Variants in RSF1 observed in about 807,000 individuals in gnomAD.
RSF1 encodes the protein remodeling and spacing factor 1.
A neutral mutation model predicts 145.2 loss-of-function variants in RSF1; 13 were observed. That is an observed-to-expected ratio of 0.09 (90% CI 0.06 to 0.14). The LOEUF (loss-of-function observed/expected upper bound fraction) is 0.14. RSF1 is among the 10% of genes least tolerant of loss of function. RSF1 has a pLI of 1.00. For synonymous variants in RSF1, 577 were observed against 592.6 expected (o/e 0.97, Z 0.38); for missense variants, 1,517 against 1,718.2 (o/e 0.88, Z 2.07).
At chr11:77,828,252 G>A in the RSF1 span, among the ~76,000 whole-genome samples, 1 of 151,362 alleles carries the variant, frequency 6.6e-6, no homozygotes, top group Admixed American at 6.6e-5. Context: ...TCCAGCCTGG[G>A]TGACAGAGCG....
the RSF1 span, among the ~76,000 whole-genome samples, chr11:77,857,077 A>T: frequency 6.6e-6 from 1 of 152,238 alleles, no homozygotes; most frequent in Non-Finnish European, 1.5e-5. Context: ...ATCACCCAAC[A>T]TTAAAAGATA....
chr11:77,787,833 T>TAAAAAAAAAAAAAAAAAAA (rs57568918), intron 1 of RSF1, among the ~76,000 whole-genome samples: 1 of 129,490 alleles, frequency 7.7e-6, no homozygotes, highest in South Asian at 2.4e-4. Flanking sequence ...TTCAGAACAG[T>TAAAAAAAAAAAAAAAAAAA]AAAAAAAAAA....
chr11:77,686,776 A>T (rs1253922028), intron 9 of RSF1, among the ~76,000 whole-genome samples: 1 of 152,152 alleles, frequency 6.6e-6, no homozygotes, highest in East Asian at 1.9e-4. Context: ...GCCACTAAAT[A>T]CTCACTGAAA....
chr11:77,685,270 G>T, intron 9 of RSF1, 111 bp from the exon 10 acceptor site: 1 of 536,158 alleles, frequency 1.9e-6, no homozygotes, highest in Non-Finnish European at 3.2e-6. Context: ...TAACAGCAGA[G>T]GGTAAGTCAC....
chr11:77,767,059 A>G (rs954694651), intron 1 of RSF1, among the ~76,000 whole-genome samples: 6 of 152,316 alleles, frequency 3.9e-5, no homozygotes, highest in Admixed American at 3.9e-4. Context: ...CCACCTATAT[A>G]AGGGGACAAT....
intron 1 of RSF1, among the ~76,000 whole-genome samples, chr11:77,770,450 G>A (rs144325183): frequency 1.5e-3 from 225 of 152,282 alleles, no homozygotes; most frequent in African/African-American, 2.5e-3. Flanking sequence ...GTGAGACTCC[G>A]TCTCAAAAAA....
At chr11:77,828,671 A>G in the RSF1 span, among the ~76,000 whole-genome samples, 23 of 137,550 alleles carry the variant, frequency 1.7e-4, no homozygotes, top group African/African-American at 2.6e-4. Context: ...CTCCATCTCG[A>G]AAAAAAAAAA....
At chr11:77,691,035 G>A in intron 9 of RSF1, 124 bp downstream of exon 9, 1 of 782,024 alleles carries the variant, frequency 1.3e-6, no homozygotes, top group East Asian at 2.6e-5. Flanking sequence ...CAAAAAGGAG[G>A]CTGGATTTGG....
At chr11:77,689,300 A>G (rs925291337) in intron 9 of RSF1, among the ~76,000 whole-genome samples, 1 of 152,158 alleles carries the variant, frequency 6.6e-6, no homozygotes, top group South Asian at 2.1e-4. Context: ...ATATACTTAC[A>G]TATGTCTCCT....
chr11:77,690,968 T>C (rs540491064), intron 9 of RSF1, 191 bp downstream of exon 9: 6 of 534,978 alleles, frequency 1.1e-5, no homozygotes, highest in South Asian at 3.0e-5. Context: ...TTCTAGTTTT[T>C]CCCCCCAATC....
At chr11:77,737,520 A>C (rs1961386502) in intron 4 of RSF1, among the ~76,000 whole-genome samples, 1 of 151,512 alleles carries the variant, frequency 6.6e-6, no homozygotes, top group South Asian at 2.1e-4. Context: ...TGCAGGCATT[A>C]ATCTACACAA....
the RSF1 span, among the ~76,000 whole-genome samples, chr11:77,861,475 C>T: frequency 6.6e-6 from 1 of 152,146 alleles, no homozygotes; most frequent in South Asian, 2.1e-4. Context: ...GTCAAGTATA[C>T]CCGGGGCTCT....
At chr11:77,768,091 G>A (rs1948244471) in intron 1 of RSF1, among the ~76,000 whole-genome samples, 1 of 149,852 alleles carries the variant, frequency 6.7e-6, no homozygotes, top group Non-Finnish European at 1.5e-5. Flanking sequence ...GTAAAAAGAG[G>A]TTAAAATTAA....
intron 2 of RSF1, among the ~76,000 whole-genome samples, chr11:77,758,630 A>T (rs1948140067): frequency 6.6e-6 from 1 of 152,228 alleles, no homozygotes; most frequent in Admixed American, 6.5e-5. Context: ...TAAAAAAAAT[A>T]GCCATCCTGT....
chr11:77,865,557 T>C, the RSF1 span, among the ~76,000 whole-genome samples: 1 of 152,260 alleles, frequency 6.6e-6, no homozygotes, highest in Admixed American at 6.5e-5. Flanking sequence ...CACAGTCACA[T>C]GACCACATTT....
At chr11:77,824,554 C>T (rs1290936528), upstream of RSF1, among the ~76,000 whole-genome samples, 2 of 152,172 alleles carry the variant, frequency 1.3e-5, no homozygotes, top group African/African-American at 4.8e-5. Context: ...GAGTAATACA[C>T]ACTGTTGATA....
intron 1 of RSF1, among the ~76,000 whole-genome samples, chr11:77,804,369 G>A (rs1189175027): frequency 6.6e-6 from 1 of 152,210 alleles, no homozygotes; most frequent in Non-Finnish European, 1.5e-5. Context: ...TCGGGTAGAA[G>A]GGCAGGTAGC....
intron 9 of RSF1, among the ~76,000 whole-genome samples, chr11:77,687,461 C>A (rs1960040047): frequency 6.6e-6 from 1 of 151,936 alleles, no homozygotes; most frequent in African/African-American, 2.4e-5. Flanking sequence ...CAAGGTTACC[C>A]ACCTTGGGTA....
intron 8 of RSF1, among the ~76,000 whole-genome samples, chr11:77,692,205 T>TA (rs1450988008): frequency 7.1e-6 from 1 of 141,676 alleles, no homozygotes; most frequent in Non-Finnish European, 1.5e-5. Context: ...TTTCATCATT[T>TA]AAAAAAAATA....
Sources: gnomAD v4.1 joint callset for allele counts (sites outside exome capture counted in the v4.1 genomes callset) on GRCh38, gnomAD v4.1.1 for gene constraint, MANE v1.5 for transcripts, NCBI Gene and HGNC (gene_info 2026-07-23, HGNC 2026-07-21) for gene names.